The following ANKRD44 variants were observed in gnomAD, a reference collection of about 807,000 sequenced individuals.
ANKRD44 encodes ankyrin repeat domain 44.
In ANKRD44, 35 loss-of-function variants were observed where a neutral mutation model predicts 116.0. The ratio of observed to expected loss-of-function variants is 0.30; its 90% CI spans 0.23 to 0.40. ANKRD44 has a LOEUF of 0.40. ANKRD44 is among the 10% of genes least tolerant of loss of function. The pLI is 1.00. For missense variants in ANKRD44, 1,014 were observed against 1,242.6 expected (o/e 0.82, Z 2.77); for synonymous variants, 435 against 461.8 (o/e 0.94, Z 0.74).
At chr2:197,095,854 T>A (rs756944865) in intron 10 of ANKRD44, among the ~76,000 whole-genome samples, 1 of 152,198 alleles carries the variant, frequency 6.6e-6, no homozygotes, top group African/African-American at 2.4e-5. Context: ...TACTACTAAA[T>A]TGTGCAGTTA....
At position 197,053,310 on chromosome 2, in the gene ANKRD44, T is replaced by C. The variant is rs554498545; in HGVS notation, c.1650+25393A>G. On this transcript the variant is annotated intron_variant, in intron 16 of 27. Transcript: ENST00000282272. The stretch of plus-strand genomic sequence containing the variant: ...GGAAACAGTAGTTATGTCTGGATGG[T>C]GGGATCATAGGGGATTTCTATTTTC... Among the ~76,000 whole-genome samples the C allele has an allele frequency of 9.8e-4, 150 of 152,316 alleles. 1 individual carries two copies. The highest frequency in any genetic ancestry group is 1.7e-3 in the Non-Finnish European group (119 of 68,022).
intron 2 of ANKRD44, 44 bp downstream of exon 2, chr2:197,186,979 C>T (rs769761415): frequency 1.3e-6 from 2 of 1,552,400 alleles, no homozygotes; most frequent in Non-Finnish European, 1.8e-6. Flanking sequence ...CTTTCCTGCT[C>T]CAGGCTAACA....
intron 1 of ANKRD44, among the ~76,000 whole-genome samples, chr2:197,259,152 T>C (rs2082531785): frequency 6.6e-6 from 1 of 152,134 alleles, no homozygotes; most frequent in South Asian, 2.1e-4. Flanking sequence ...GTTTTTATTG[T>C]CTAGGAAGAT....
Position 196,998,992 on chromosome 2 carries a change from T to C in ANKRD44, c.2580A>G (p.Arg860=), listed in dbSNP as rs1392263909. 5 of 1,614,228 alleles carry C rather than the reference T, an allele frequency of 3.1e-6. No homozygotes were observed. The highest frequency in any genetic ancestry group is 3.4e-6 in the Non-Finnish European group (4 of 1,180,036). Residue 860 remains arginine, a synonymous_variant, in exon 24 of 28, where the codon AGA becomes AGG. Coordinates refer to ENST00000282272, the MANE Select transcript of ANKRD44 (RefSeq NM_001195144.2). ...CTACTGCGTTCACTGGAGCACTGTG[T>C]CTCAGAAGAAGCTGCAAGCACTCCA... is the stretch of plus-strand genomic sequence containing the variant. The part of the protein sequence containing the change: ...DHVECLQLLL[R]HSAPVNAVDN...
At chr2:197,108,395 A>G (rs1360715531) in intron 9 of ANKRD44, among the ~76,000 whole-genome samples, 1 of 152,236 alleles carries the variant, frequency 6.6e-6, no homozygotes, top group African/African-American at 2.4e-5. Context: ...TATTATAGCC[A>G]CTATATCCTT....
intron 1 of ANKRD44, among the ~76,000 whole-genome samples, chr2:197,241,633 A>C (rs1330510001): frequency 6.6e-6 from 1 of 152,194 alleles, no homozygotes; most frequent in Non-Finnish European, 1.5e-5. Flanking sequence ...TAAAAAAAAC[A>C]TTTGAATCTA....
rs1206408719 is a variant in ANKRD44, at chr2:197,310,587, G to T, written c.18C>A (p.Leu6=). The part of the protein sequence containing the change: MAVLK[L]TDQPPLVQAI... ...CGCCGCCGCCCGCTACCTGGTCGGT[G>T]AGTTTGAGCACTGCCATTCTTCCGC... The change falls in exon 1 of 28, where the codon CTC becomes CTA. Residue 6 remains leucine, a synonymous_variant. Transcript: ENST00000282272. 7.8e-7 allele frequency: 1 copy of T among 1,273,984 alleles called. No individual in the cohort carries two copies. The allele number at this position is 1,273,984 out of a possible 1,614,324, so 78.9% of individuals were successfully genotyped here. A position where few individuals can be genotyped will look rare whatever the true frequency, so the allele number is the denominator to read the frequency against.
chr2:197,095,570 T>C (rs1268249084), intron 10 of ANKRD44, among the ~76,000 whole-genome samples: 1 of 152,194 alleles, frequency 6.6e-6, no homozygotes, highest in African/African-American at 2.4e-5. Flanking sequence ...TGACTTCACT[T>C]TGGCAAAATG....
chr2:197,188,791 T>C (rs2080751916), intron 1 of ANKRD44, among the ~76,000 whole-genome samples: 1 of 152,178 alleles, frequency 6.6e-6, no homozygotes, highest in African/African-American at 2.4e-5. Context: ...ATCTTAGTCC[T>C]AGTAGTCGAT....
chr2:197,110,967 T>G (rs1298468744), intron 8 of ANKRD44, 123 bp from the exon 9 acceptor site: 1 of 703,516 alleles, frequency 1.4e-6, no homozygotes. Flanking sequence ...TATTTATTTT[T>G]TAAGTATGAT....
chr2:197,183,115 A>G (rs1183530890), intron 2 of ANKRD44, among the ~76,000 whole-genome samples: 1 of 152,182 alleles, frequency 6.6e-6, no homozygotes, highest in East Asian at 1.9e-4. Flanking sequence ...GTTTATAAAT[A>G]CTATTGGGGG....
chr2:197,186,611 T>C (rs981111499), intron 2 of ANKRD44, among the ~76,000 whole-genome samples: 3 of 102,004 alleles, frequency 2.9e-5, no homozygotes, highest in African/African-American at 1.1e-4. Context: ...GGCTAATTTT[T>C]CTTTTTTTTT....
Position 197,088,703 on chromosome 2 carries a change from C to T in ANKRD44, c.1247+8G>A, listed in dbSNP as rs2077979797. 1 of 1,598,810 alleles carries T rather than the reference C, an allele frequency of 6.3e-7. No homozygotes were observed. Among genetic ancestry groups the T allele is most frequent in the African/African-American group, 1.3e-5 (1 of 74,522 alleles). ...CTCATAAATTAACTAGAATTGGTAACTACTCACCCTCCTGCAGCAGCAGCA... is the reference window on the plus strand; with the variant it reads ...CTCATAAATTAACTAGAATTGGTAATTACTCACCCTCCTGCAGCAGCAGCA... On this transcript the variant is annotated splice_region_variant and intron_variant, in intron 12 of 27. Coordinates refer to ENST00000282272, the MANE Select transcript of ANKRD44 (RefSeq NM_001195144.2).
chr2:197,003,135 C>T (rs1436356724), intron 21 of ANKRD44, among the ~76,000 whole-genome samples: 1 of 151,166 alleles, frequency 6.6e-6, no homozygotes, highest in Admixed American at 6.6e-5. Context: ...GGCGAAACCC[C>T]ATCTCTCCTA....
chr2:197,033,303 G>C (rs146072028), intron 16 of ANKRD44, among the ~76,000 whole-genome samples: 1 of 152,290 alleles, frequency 6.6e-6, no homozygotes, highest in African/African-American at 2.4e-5. Context: ...TGATGATGGT[G>C]GTGGTGGTGA....
chr2:197,226,001 A>G (rs2081702541), intron 1 of ANKRD44, among the ~76,000 whole-genome samples: 1 of 149,946 alleles, frequency 6.7e-6, no homozygotes, highest in Non-Finnish European at 1.5e-5. Context: ...ATGTCTCACT[A>G]AAAACAGGCT....
rs577899007 is a variant in ANKRD44, at chr2:197,025,040, G to A, written c.1722+156C>T. Among the ~76,000 whole-genome samples the A allele has an allele frequency of 2.0e-5, 3 of 152,324 alleles. No homozygotes were observed. In the South Asian group the frequency reaches 6.2e-4, roughly 32 times the overall value. ...CAGATGAAGCTGGGAATGAAGGCGA[G>A]GCAGTCTGTCTCCACAGCCTGTGCC... On this transcript the variant is annotated intron_variant, in intron 17 of 27. Transcript: ENST00000282272.
At chr2:197,300,758 C>CTTTTTTTTT in intron 1 of ANKRD44, among the ~76,000 whole-genome samples, 1 of 122,742 alleles carries the variant, frequency 8.1e-6, no homozygotes, top group Non-Finnish European at 1.7e-5. Flanking sequence ...TTTCATTTTC[C>CTTTTTTTTT]TTTTTTTTTT....
intron 1 of ANKRD44, among the ~76,000 whole-genome samples, chr2:197,259,607 T>C (rs997784391): frequency 6.6e-6 from 1 of 152,162 alleles, no homozygotes; most frequent in Non-Finnish European, 1.5e-5. Flanking sequence ...TTTGTTAAAC[T>C]GTCGTCCTCC....
Sources: allele counts gnomAD v4.1 joint callset (sites outside exome capture counted in the v4.1 genomes callset), GRCh38; gene constraint gnomAD v4.1.1; transcripts MANE v1.5; gene names NCBI Gene and HGNC (gene_info 2026-07-23, HGNC 2026-07-21).